The following LRFN2 variants were observed in gnomAD, a reference collection of about 807,000 sequenced individuals.
The protein encoded by LRFN2 is leucine-rich repeat and fibronectin type-III domain-containing protein 2.
In LRFN2, 18 loss-of-function variants were observed where a neutral mutation model predicts 37.3. The ratio of observed to expected loss-of-function variants is 0.48; its 90% confidence interval spans 0.33 to 0.72. LRFN2 has a LOEUF of 0.72. Ranked by LOEUF, LRFN2 falls within the 30% of genes least tolerant of loss-of-function variation. The pLI, the probability that LRFN2 is intolerant of heterozygous loss-of-function variation, is 0.02. For missense variants in LRFN2, 1,006 were observed against 1,060.7 expected, an observed-to-expected ratio of 0.95 and a Z score of 0.72; for synonymous variants, 556 against 466.6, an observed-to-expected ratio of 1.19 and a Z score of -2.47.
At chr6:40,531,947 A>G (rs1766352437) in intron 1 of LRFN2, among the ~76,000 whole-genome samples, 2 of 152,224 alleles carry the variant, frequency 1.3e-5, no homozygotes, top group African/African-American at 4.8e-5. Context: ...GGGATCTGTG[A>G]ACATCTTGGA....
intron 2 of LRFN2, among the ~76,000 whole-genome samples, chr6:40,428,710 A>C (rs961999647): frequency 1.3e-4 from 20 of 152,206 alleles, no homozygotes; most frequent in African/African-American, 4.6e-4. Context: ...TCATATATCC[A>C]GAAGGATTAA....
chr6:40,457,558 G>A (rs537784984), intron 1 of LRFN2, among the ~76,000 whole-genome samples: 1 of 148,232 alleles, frequency 6.7e-6, no homozygotes, highest in South Asian at 2.2e-4. Context: ...GAAATCACTT[G>A]AGCCTAGGAG....
chr6:40,483,958 C>G (rs1156795883), intron 1 of LRFN2, among the ~76,000 whole-genome samples: 1 of 152,180 alleles, frequency 6.6e-6, no homozygotes, highest in Non-Finnish European at 1.5e-5. Context: ...GAGAGAATAG[C>G]CGCCTCTGTC....
chr6:40,498,168 GGAGACT>G (rs970101745), intron 1 of LRFN2, among the ~76,000 whole-genome samples: 66 of 152,254 alleles, frequency 4.3e-4, no homozygotes, highest in Admixed American at 3.3e-3. Context: ...GGGAAGCCCT[GGAGACT>G]GAGTGGAGGG....
At chr6:40,511,600 T>C (rs1486269603) in intron 1 of LRFN2, among the ~76,000 whole-genome samples, 1 of 152,050 alleles carries the variant, frequency 6.6e-6, no homozygotes, top group Non-Finnish European at 1.5e-5. Flanking sequence ...CTGGGAGACA[T>C]TATGGCAAGA....
chr6:40,425,708 G>A (rs1313658051), intron 2 of LRFN2, among the ~76,000 whole-genome samples: 1 of 152,228 alleles, frequency 6.6e-6, no homozygotes, highest in South Asian at 2.1e-4. Context: ...CCTGCTGGTG[G>A]ACTGTCTGTC....
intron 1 of LRFN2, among the ~76,000 whole-genome samples, chr6:40,488,444 A>T (rs1581743900): frequency 6.6e-6 from 1 of 151,732 alleles, no homozygotes; most frequent in African/African-American, 2.4e-5. Flanking sequence ...TGCTGAAACA[A>T]CCCACCTATC....
At chr6:40,466,789 G>A (rs187426572) in intron 1 of LRFN2, among the ~76,000 whole-genome samples, 13 of 152,276 alleles carry the variant, frequency 8.5e-5, no homozygotes, top group Non-Finnish European at 1.5e-5. Context: ...AAATTCATAA[G>A]TATGTTGAAA....
At chr6:40,517,758 C>A (rs941752630) in intron 1 of LRFN2, among the ~76,000 whole-genome samples, 1 of 152,168 alleles carries the variant, frequency 6.6e-6, no homozygotes, top group Non-Finnish European at 1.5e-5. Context: ...CACCCACCAG[C>A]AACACACACT....
chr6:40,418,243 A>G (rs924304213), intron 2 of LRFN2, among the ~76,000 whole-genome samples: 1 of 150,254 alleles, frequency 6.7e-6, no homozygotes, highest in Admixed American at 6.6e-5. Context: ...TGACTCTTTC[A>G]CTCCATTCAG....
chr6:40,483,504 G>A (rs906708951), intron 1 of LRFN2, among the ~76,000 whole-genome samples: 1 of 152,226 alleles, frequency 6.6e-6, no homozygotes, highest in Non-Finnish European at 1.5e-5. Flanking sequence ...AGCCAATGAG[G>A]CTACAAGAAC....
intron 1 of LRFN2, among the ~76,000 whole-genome samples, chr6:40,532,806 C>T (rs896025782): frequency 3.9e-5 from 6 of 152,180 alleles, no homozygotes; most frequent in East Asian, 1.9e-4. Context: ...TCATTAAGGG[C>T]GGAACCCTGT....
chr6:40,492,828 A>G (rs891013007), intron 1 of LRFN2, among the ~76,000 whole-genome samples: 1 of 152,152 alleles, frequency 6.6e-6, no homozygotes, highest in African/African-American at 2.4e-5. Context: ...GGAGGGGGTC[A>G]CAGGAACACC....
In LRFN2 at chr6:40,569,999, C is replaced by G. The variant is rs986485205; in HGVS notation, c.-19+16942G>C. Among the ~76,000 whole-genome samples, 3 of 152,148 alleles carry G rather than the reference C, an allele frequency of 2.0e-5. No homozygotes were observed. The South Asian group carries it at 6.2e-4, about 32-fold the overall frequency. On this transcript the variant is annotated intron_variant, in intron 1 of 2. Coordinates refer to ENST00000338305, the MANE Select transcript of LRFN2 (RefSeq NM_020737.3). ...CCATGTTCTTGGGCTGTGAATGTCTCCCTTCCCCATCTCTGTGGTTCTCAA... is the reference window on the plus strand; with the variant it reads ...CCATGTTCTTGGGCTGTGAATGTCTGCCTTCCCCATCTCTGTGGTTCTCAA...
At chr6:40,484,625 C>T (rs1374801567) in intron 1 of LRFN2, among the ~76,000 whole-genome samples, 1 of 152,214 alleles carries the variant, frequency 6.6e-6, no homozygotes, top group Non-Finnish European at 1.5e-5. Flanking sequence ...CACACATGCT[C>T]CTCCACTCCC....
chr6:40,568,057 C>T (rs1464049878), intron 1 of LRFN2, among the ~76,000 whole-genome samples: 1 of 152,176 alleles, frequency 6.6e-6, no homozygotes, highest in Non-Finnish European at 1.5e-5. Context: ...CTACAGTTTC[C>T]CCCTTCCTTC....
chr6:40,543,526 G>A (rs577073399), intron 1 of LRFN2, among the ~76,000 whole-genome samples: 5 of 152,170 alleles, frequency 3.3e-5, no homozygotes, highest in South Asian at 2.1e-4. Flanking sequence ...CTCACCTAGC[G>A]AAACAAGCTG....
intron 1 of LRFN2, among the ~76,000 whole-genome samples, chr6:40,534,699 G>GGC (rs1192167628): frequency 6.6e-6 from 1 of 152,100 alleles, no homozygotes; most frequent in Non-Finnish European, 1.5e-5. Context: ...TATTATTGTT[G>GGC]GCGCTCATTC....
At chr6:40,511,590 C>A (rs1194088952) in intron 1 of LRFN2, among the ~76,000 whole-genome samples, 1 of 152,150 alleles carries the variant, frequency 6.6e-6, no homozygotes, top group Non-Finnish European at 1.5e-5. Context: ...CCCTCTCTGT[C>A]TGGGAGACAT....
Sources: gnomAD v4.1 joint callset for allele counts (sites outside exome capture counted in the v4.1 genomes callset) on GRCh38, gnomAD v4.1.1 for gene constraint, MANE v1.5 for transcripts, NCBI Gene and HGNC (gene_info 2026-07-23, HGNC 2026-07-21) for gene names.